Variants in NARS1 observed in about 807,000 individuals in gnomAD.
NARS1 encodes the protein asparagine--tRNA ligase, cytoplasmic.
NARS1 carries 65 observed loss-of-function variants against 79.2 expected under a neutral mutation model. The ratio of observed to expected loss-of-function variants is 0.82; its 90% CI spans 0.67 to 1.01. NARS1 has a LOEUF of 1.01. Among genes scored for constraint, NARS1 ranks in the 50% least tolerant of loss-of-function variants. The pLI is 0.00. For missense variants in NARS1, 649 were observed against 673.8 expected (o/e 0.96, Z 0.41); for synonymous variants, 229 against 238.8 (o/e 0.96, Z 0.38).
chr18:57,606,868 A>G, intron 9 of NARS1, 117 bp from the exon 10 acceptor site: 5 of 1,392,858 alleles, frequency 3.6e-6, no homozygotes, highest in African/African-American at 1.4e-5. Flanking sequence ...CCAATTCCCA[A>G]CTTTGCAAAT....
At chr18:57,602,250 C>T (rs1173618535) in intron 13 of NARS1, 105 bp downstream of exon 13, 1 of 1,106,416 alleles carries the variant, frequency 9.0e-7, no homozygotes, top group Admixed American at 2.6e-5. Flanking sequence ...ATAGCTCATT[C>T]AAATACCAAA....
chr18:57,621,275 A>C (rs1400869074), intron 1 of NARS1, among the ~76,000 whole-genome samples: 5 of 140,038 alleles, frequency 3.6e-5, no homozygotes, highest in African/African-American at 8.1e-5. Context: ...TTTTTTTCCT[A>C]CTGCACAGTA....
intron 13 of NARS1, 26 bp from the exon 14 acceptor site, chr18:57,601,809 G>C (rs1034398254): frequency 1.2e-6 from 2 of 1,608,498 alleles, no homozygotes; most frequent in South Asian, 1.1e-5. Context: ...AAGAAAGAAA[G>C]AGGAGTAAAT....
At chr18:57,616,112 T>C (rs1908018451) in intron 2 of NARS1, 137 bp from the exon 3 acceptor site, 1 of 773,972 alleles carries the variant, frequency 1.3e-6, no homozygotes, top group Non-Finnish European at 2.0e-6. Context: ...ATTGGCACAG[T>C]GACTGGTTGA....
In NARS1 at chr18:57,602,819, G is replaced by GT. The variant is rs781013738; in HGVS notation, c.1375dup (p.Thr459AsnfsTer2). The GT allele has an allele frequency of 6.2e-7, 1 of 1,613,984 alleles. No individual in the cohort carries two copies. The highest frequency in any genetic ancestry group is 1.1e-5 in the South Asian group (1 of 91,040). On this transcript the variant is annotated frameshift_variant, in exon 12 of 14. Coordinates refer to ENST00000256854, the MANE Select transcript of NARS1 (RefSeq NM_004539.4). LOFTEE classifies it high-confidence loss of function. The stretch of plus-strand genomic sequence containing the variant: ...TTTGAAACAGAAACTGACAGATTCA[G>GT]TAAGACGGGAATCCTCAGGACATCG...
chr18:57,620,660 C>G lies in NARS1; in HGVS notation c.11-9G>C, dbSNP rs1908261913. On this transcript the variant is annotated splice_polypyrimidine_tract_variant and intron_variant, in intron 1 of 13. Transcript: ENST00000256854. ...AGAGACGTACAGCTCTGCTGTTTGACAAAATGAGGGTAAGTTATGGTCTGG... is the reference window on the plus strand; with the variant it reads ...AGAGACGTACAGCTCTGCTGTTTGAGAAAATGAGGGTAAGTTATGGTCTGG... The G allele has an allele frequency of 6.3e-7, 1 of 1,595,326 alleles. No individual in the cohort carries two copies. The highest frequency in any genetic ancestry group is 8.6e-7 in the Non-Finnish European group (1 of 1,165,178).
At chr18:57,618,133 A>G (rs1040326085) in intron 2 of NARS1, among the ~76,000 whole-genome samples, 19 of 150,892 alleles carry the variant, frequency 1.3e-4, no homozygotes, top group African/African-American at 4.1e-4. Flanking sequence ...AAAAAAAAAA[A>G]AGAAATTAGC....
intron 4 of NARS1, 114 bp from the exon 5 acceptor site, chr18:57,613,794 C>T: frequency 1.3e-6 from 1 of 789,356 alleles, no homozygotes; most frequent in South Asian, 1.6e-5. Flanking sequence ...TGGTGCAAAA[C>T]TGGAGACAGC....
At chr18:57,602,548 C>T in intron 12 of NARS1, 62 bp from the exon 13 acceptor site, 1 of 1,557,450 alleles carries the variant, frequency 6.4e-7, no homozygotes, top group Non-Finnish European at 8.8e-7. Flanking sequence ...CAGCACTGCC[C>T]TAGAGTTTAA....
chr18:57,609,348 T>A lies in NARS1; in HGVS notation c.579+9A>T, dbSNP rs2051586398. The A allele has an allele frequency of 6.2e-7, 1 of 1,607,452 alleles. No individual in the cohort carries two copies. The highest frequency in any genetic ancestry group is 8.5e-7 in the Non-Finnish European group (1 of 1,174,974). On this transcript the variant is annotated intron_variant, in intron 7 of 13. Transcript: ENST00000256854. ...TTCATTCACCCAGTGCGAAACTCAA[T>A]CCACTCACCTGCTTGCCCTTTGGGG...
Position 57,601,770 on chromosome 18 carries a change from G to T in NARS1, c.1529C>A (p.Thr510Lys). 6.2e-7 allele frequency: 1 copy of T among 1,613,222 alleles called. No homozygotes were observed. Among genetic ancestry groups the T allele is most frequent in the Non-Finnish European group, 8.5e-7 (1 of 1,179,324 alleles). ...YWYTDQRKYG[T>K]CPHGGYGLGL... ...CAAGCCATATCCTCCATGGGGACATGTACCGTATTTTCTCTGTTTAAAAAA... is the reference window on the plus strand; with the variant it reads ...CAAGCCATATCCTCCATGGGGACATTTACCGTATTTTCTCTGTTTAAAAAA... The change falls in exon 14 of 14, where the codon ACA becomes AAA. Residue 510 changes from threonine (T) to lysine (K), a missense_variant. By Grantham distance (78) the Thr-to-Lys change is moderately conservative. Coordinates refer to ENST00000256854, the MANE Select transcript of NARS1 (RefSeq NM_004539.4).
In NARS1 at chr18:57,609,420, G is replaced by C. The variant is rs1599035143; in HGVS notation, c.516C>G (p.Leu172=). The part of the protein sequence containing the change: ...DELCQCYNGV[L]LSTESSVAVY... ...CTGCAACACTGCTCTCCGTGGACAAGAGAACTCCATTGTAGCACTGACACT... is the reference window on the plus strand; with the variant it reads ...CTGCAACACTGCTCTCCGTGGACAACAGAACTCCATTGTAGCACTGACACT... Residue 172 remains leucine (L), a synonymous_variant, in exon 7 of 14, where the codon CTC becomes CTG. Coordinates refer to ENST00000256854, the MANE Select transcript of NARS1 (RefSeq NM_004539.4). 1 of 1,613,896 alleles carries C rather than the reference G, an allele frequency of 6.2e-7. No homozygotes were observed. The highest frequency in any genetic ancestry group is 8.5e-7 in the Non-Finnish European group (1 of 1,179,914).
At chr18:57,612,818 A>G (rs1379369666) in intron 5 of NARS1, among the ~76,000 whole-genome samples, 1 of 152,200 alleles carries the variant, frequency 6.6e-6, no homozygotes, top group African/African-American at 2.4e-5. Context: ...AAAATATATA[A>G]TAAAAGGGGA....
At chr18:57,604,628 G>A (rs376341362) in intron 11 of NARS1, among the ~76,000 whole-genome samples, 7 of 152,108 alleles carry the variant, frequency 4.6e-5, no homozygotes, top group South Asian at 2.1e-4. Context: ...AGTGGCTCAC[G>A]CCTGTAATCC....
intron 11 of NARS1, among the ~76,000 whole-genome samples, chr18:57,605,149 A>ATC (rs2051543213): frequency 6.8e-6 from 1 of 147,538 alleles, no homozygotes; most frequent in African/African-American, 2.5e-5. Flanking sequence ...ATATATATAT[A>ATC]TATATCTATA....
chr18:57,618,731 G>A (rs1298754519), intron 2 of NARS1, among the ~76,000 whole-genome samples: 5 of 151,932 alleles, frequency 3.3e-5, no homozygotes, highest in African/African-American at 9.7e-5. Flanking sequence ...ATGAGATCTC[G>A]TATCTACAAA....
chr18:57,616,552 C>T (rs1024425275), intron 2 of NARS1, among the ~76,000 whole-genome samples: 2 of 152,082 alleles, frequency 1.3e-5, no homozygotes, highest in African/African-American at 4.8e-5. Context: ...AGCAACAGAT[C>T]TTAAGTGGCT....
intron 7 of NARS1, 52 bp from the exon 8 acceptor site, chr18:57,607,717 A>G: frequency 1.4e-6 from 2 of 1,422,352 alleles, no homozygotes; most frequent in Non-Finnish European, 1.9e-6. Flanking sequence ...GAAATAAAAA[A>G]TTAACAGTAT....
chr18:57,607,608 C>A lies in NARS1; in HGVS notation c.637G>T (p.Ala213Ser). 1 of 1,614,130 alleles carries A rather than the reference C, an allele frequency of 6.2e-7. No individual in the cohort carries two copies. Among genetic ancestry groups the A allele is most frequent in the African/African-American group, 1.3e-5 (1 of 75,022 alleles). The part of the protein sequence containing the change: ...DFWELIGLAP[A>S]GGADNLINEE... ...TTGATCAGGTTGTCAGCTCCTCCAG[C>A]AGGGGCCAACCCAATTAGTTCCCAG... Residue 213 changes from alanine (A) to serine (S), a missense_variant, in exon 8 of 14, where the codon GCT becomes TCT. Physicochemically the swap from Ala to Ser is moderately conservative, Grantham distance 99. Coordinates refer to ENST00000256854, the MANE Select transcript of NARS1 (RefSeq NM_004539.4).
Sources: allele counts gnomAD v4.1 joint callset (sites outside exome capture counted in the v4.1 genomes callset), GRCh38; gene constraint gnomAD v4.1.1; transcripts MANE v1.5; gene names NCBI Gene and HGNC (gene_info 2026-07-23, HGNC 2026-07-21).